ABLIM2: variants seen among roughly 807,000 people sequenced by gnomAD.
The protein encoded by ABLIM2 is actin-binding LIM protein 2.
Under a neutral mutation model 97.7 loss-of-function variants are expected in ABLIM2, and 53 were observed. The ratio of observed to expected loss-of-function variants is 0.54; its 90% confidence interval spans 0.44 to 0.68. The LOEUF is 0.68. Among genes scored for constraint, ABLIM2 ranks in the 30% least tolerant of loss-of-function variants. The pLI is 0.00. For missense variants in ABLIM2, 835 were observed against 867.2 expected (o/e 0.96, Z 0.47); for synonymous variants, 361 against 345.8 (o/e 1.04, Z -0.49).
At chr4:8,041,240 T>A (rs1788249566) in intron 9 of ABLIM2, 1 of 152,296 alleles carries the variant, frequency 6.6e-6, no homozygotes, top group African/African-American at 2.4e-5. Flanking sequence ...CACTTGGGTC[T>A]GCCCCGATCT....
chr4:7,983,507 GGC>G, intron 19 of ABLIM2, 38 bp downstream of exon 19: 1 of 1,612,098 alleles, frequency 6.2e-7, no homozygotes, highest in Non-Finnish European at 8.5e-7. Flanking sequence ...GGGCAGGTGT[GGC>G]GCGGCACGGA....
chr4:7,997,847 C>T (rs1754379775), intron 16 of ABLIM2, among the ~76,000 whole-genome samples: 1 of 151,500 alleles, frequency 6.6e-6, no homozygotes, highest in African/African-American at 2.4e-5. Context: ...CCATCTGATT[C>T]TTCTCAGTGT....
At chr4:8,064,617 G>A (rs142170641) in intron 6 of ABLIM2, among the ~76,000 whole-genome samples, 177 of 152,248 alleles carry the variant, frequency 1.2e-3, no homozygotes, top group African/African-American at 4.0e-3. Flanking sequence ...ACTAACACAC[G>A]CCGCACCCTC....
In ABLIM2 at chr4:8,068,429, C is replaced by T. The variant is rs1002396258; in HGVS notation, c.676-7375G>A. Among the ~76,000 whole-genome samples the T allele has an allele frequency of 3.9e-5, 6 of 152,258 alleles. No homozygotes were observed. The highest frequency in any genetic ancestry group is 3.9e-4 in the East Asian group (2 of 5,174). Reference sequence around the variant, plus strand: ...GGTCAGAGGGCAGCGGTTTAAGGGACGTCCCCACTGTGACGTGCAGAATAG... The same window carrying T: ...GGTCAGAGGGCAGCGGTTTAAGGGATGTCCCCACTGTGACGTGCAGAATAG... On this transcript the variant is annotated intron_variant, in intron 6 of 20. Transcript: ENST00000447017. The surrounding 1 kb of genome is among the most constrained non-coding windows in gnomAD (Gnocchi z 4.5).
Position 8,097,289 on chromosome 4 carries a change from G to A in ABLIM2, c.155-7C>T. The A allele has an allele frequency of 3.2e-6, 5 of 1,554,916 alleles. No individual in the cohort carries two copies. Among genetic ancestry groups the A allele is most frequent in the African/African-American group, 1.4e-5 (1 of 73,314 alleles). ...GCCAGGTCGCAGCCACATGCTGGGG[G>A]AGGACGGGCGAGGTGGCGTTAGCGG... On this transcript the variant is annotated splice_region_variant and splice_polypyrimidine_tract_variant and intron_variant, in intron 2 of 20. Coordinates refer to ENST00000447017, the MANE Select transcript of ABLIM2 (RefSeq NM_001130083.2).
At chr4:8,153,715 G>A (rs1337910377) in intron 1 of ABLIM2, among the ~76,000 whole-genome samples, 1 of 145,894 alleles carries the variant, frequency 6.9e-6, no homozygotes, top group Non-Finnish European at 1.5e-5. Context: ...GCTGGAGGCA[G>A]AGTGTGCTCT....
chr4:8,072,092 T>TCCCCGGC lies in ABLIM2; in HGVS notation c.675+5529_675+5535dup, dbSNP rs1236994407. The TCCCCGGC allele has an allele frequency of 4.1e-6, 4 of 983,728 alleles. No homozygotes were observed. The East Asian group carries it at 4.5e-4, about 112-fold the overall frequency. 60.9% of individuals were successfully genotyped at this position (983,728 alleles called of 1,614,324 possible). A position where few individuals can be genotyped will look rare whatever the true frequency, so the allele number is the denominator to read the frequency against. ...TCAGCCACGCCGCCACAGACTCGCCTCCCCGGCAGAGGCGAAAACAAAAGC... is the reference window on the plus strand; with the variant it reads ...TCAGCCACGCCGCCACAGACTCGCCTCCCCGGCCCCCGGCAGAGGCGAAAACAAAAGC... On this transcript the variant is annotated intron_variant, in intron 6 of 20. Coordinates refer to ENST00000447017, the MANE Select transcript of ABLIM2 (RefSeq NM_001130083.2). This position sits in a 1 kb window ranked among gnomAD's most constrained non-coding sequence, Gnocchi z 5.8.
At position 8,148,444 on chromosome 4, in the gene ABLIM2, G is replaced by A. The variant is rs1852179787; in HGVS notation, c.10+10236C>T. Among the ~76,000 whole-genome samples, 1 of 152,168 alleles carries A rather than the reference G, an allele frequency of 6.6e-6. No individual in the cohort carries two copies. The highest frequency in any genetic ancestry group is 2.4e-5 in the African/African-American group (1 of 41,434). ...GGGGGGCCATGGCGCACCACAGTTA[G>A]GAGTGCGGGTTCTGCAGCTGGCACG... is the stretch of plus-strand genomic sequence containing the variant. On this transcript the variant is annotated intron_variant, in intron 1 of 20. Transcript: ENST00000447017. The surrounding 1 kb of genome is among the most constrained non-coding windows in gnomAD (Gnocchi z 6.7).
Position 8,068,631 on chromosome 4 carries a change from G to A in ABLIM2, c.676-7577C>T, listed in dbSNP as rs75636245. Among the ~76,000 whole-genome samples, 498 of 152,300 alleles carry A rather than the reference G, an allele frequency of 3.3e-3. 7 individuals carry two copies. Among genetic ancestry groups the A allele is most frequent in the African/African-American group, 0.011 (447 of 41,558 alleles). ...CCCTTTCCTCCCTGAATCCAACCAC[G>A]GAATCCGGGTGCAAAGGCCTCCTCT... On this transcript the variant is annotated intron_variant, in intron 6 of 20. Transcript: ENST00000447017. This position sits in a 1 kb window ranked among gnomAD's most constrained non-coding sequence, Gnocchi z 4.5.
intron 20 of ABLIM2, among the ~76,000 whole-genome samples, chr4:7,969,957 C>T (rs777055030): frequency 2.0e-5 from 3 of 152,152 alleles, no homozygotes; most frequent in Non-Finnish European, 4.4e-5. Flanking sequence ...TTTCAGACCG[C>T]GTCTCTTAAG....
chr4:8,054,057 G>A lies in ABLIM2; in HGVS notation c.822+131C>T. On this transcript the variant is annotated intron_variant, in intron 8 of 20. Coordinates refer to ENST00000447017, the MANE Select transcript of ABLIM2 (RefSeq NM_001130083.2). This position sits in a 1 kb window ranked among gnomAD's most constrained non-coding sequence, Gnocchi z 4.9. ...TTACCCTCCCCACCTCCTAAGCCTG[G>A]CTGCCCCCATCCTGCAGCCCGTGGG... 2.0e-6 allele frequency: 2 copies of A among 979,858 alleles called. No homozygotes were observed. Among genetic ancestry groups the A allele is most frequent in the Admixed American group, 3.9e-5 (2 of 50,932 alleles). 60.7% of individuals were successfully genotyped at this position (979,858 alleles called of 1,614,324 possible).
intron 8 of ABLIM2, among the ~76,000 whole-genome samples, chr4:8,049,093 G>A (rs903962900): frequency 2.0e-5 from 3 of 152,110 alleles, no homozygotes; most frequent in Non-Finnish European, 1.5e-5. Context: ...GCCCCTCTCG[G>A]TCACGGCGCC....
intron 2 of ABLIM2, among the ~76,000 whole-genome samples, chr4:8,101,841 G>C (rs926089264): frequency 3.9e-5 from 6 of 152,220 alleles, no homozygotes; most frequent in South Asian, 2.1e-4. Flanking sequence ...TGTTTTTCCA[G>C]GCATTCTGTG....
chr4:8,088,092 C>T, intron 4 of ABLIM2, 77 bp downstream of exon 4: 1 of 243,530 alleles, frequency 4.1e-6, no homozygotes, highest in Non-Finnish European at 6.9e-6. Flanking sequence ...CGCCCCCCAA[C>T]TCAGCATACC....
chr4:8,109,902 A>G (rs868354283), intron 1 of ABLIM2, among the ~76,000 whole-genome samples: 1 of 152,232 alleles, frequency 6.6e-6, no homozygotes, highest in South Asian at 2.1e-4. Flanking sequence ...ACTCTGGTTG[A>G]ATCCACAGCA....
At position 8,067,855 on chromosome 4, in the gene ABLIM2, C is replaced by T. The variant is rs1406334969; in HGVS notation, c.676-6801G>A. ...CGTGTATAAGATGGAGAGGACTGTC[C>T]CTCCCTCTCAGGCTGGGGTAGTATA... is the stretch of plus-strand genomic sequence containing the variant. On this transcript the variant is annotated intron_variant, in intron 6 of 20. Coordinates refer to ENST00000447017, the MANE Select transcript of ABLIM2 (RefSeq NM_001130083.2). This position sits in a 1 kb window ranked among gnomAD's most constrained non-coding sequence, Gnocchi z 5.4. The T allele has an allele frequency of 6.6e-6, 1 of 152,196 alleles. No individual in the cohort carries two copies. Among genetic ancestry groups the T allele is most frequent in the Non-Finnish European group, 1.5e-5 (1 of 68,064 alleles). 9.4% of individuals were successfully genotyped at this position (152,196 alleles called of 1,614,324 possible). A position where few individuals can be genotyped will look rare whatever the true frequency, so the allele number is the denominator to read the frequency against.
rs1256772880 is a variant in ABLIM2 at position 8,085,089 on chromosome 4, G to T, written c.454+3080C>A. Among the ~76,000 whole-genome samples the T allele has an allele frequency of 1.3e-5, 2 of 152,170 alleles. No individual in the cohort carries two copies. The highest frequency in any genetic ancestry group is 4.8e-5 in the African/African-American group (2 of 41,438). ...GCTGCTCCTTCTGGAAGAAGCCTGT[G>T]CGGCCCACCCTAAAGGATTTCTTGT... On this transcript the variant is annotated intron_variant, in intron 4 of 20. Coordinates refer to ENST00000447017, the MANE Select transcript of ABLIM2 (RefSeq NM_001130083.2). This position sits in a 1 kb window ranked among gnomAD's most constrained non-coding sequence, Gnocchi z 6.1.
chr4:8,070,284 G>C (rs979051865), intron 6 of ABLIM2, among the ~76,000 whole-genome samples: 3 of 151,424 alleles, frequency 2.0e-5, no homozygotes, highest in African/African-American at 7.3e-5. Flanking sequence ...GCATGTGTGT[G>C]TATATCTCGT....
In ABLIM2 at chr4:7,999,745, A is replaced by G. The variant is rs1186335724; in HGVS notation, c.1619-6818T>C. Among the ~76,000 whole-genome samples the G allele has an allele frequency of 4.6e-5, 7 of 152,296 alleles. No homozygotes were observed. Among genetic ancestry groups the G allele is most frequent in the African/African-American group, 1.7e-4 (7 of 41,570 alleles). On this transcript the variant is annotated intron_variant, in intron 16 of 20. Coordinates refer to ENST00000447017, the MANE Select transcript of ABLIM2 (RefSeq NM_001130083.2). This position sits in a 1 kb window ranked among gnomAD's most constrained non-coding sequence, Gnocchi z 4.4. Reference sequence around the variant, plus strand: ...ACTGGGTAGTCCTGATGCCAGTTACATGAGGCTCTGCAGGCACCAGAGGCC... The same window carrying G: ...ACTGGGTAGTCCTGATGCCAGTTACGTGAGGCTCTGCAGGCACCAGAGGCC...
Sources: gnomAD v4.1 joint callset for allele counts (sites outside exome capture counted in the v4.1 genomes callset) on GRCh38, gnomAD v4.1.1 for gene constraint, Gnocchi (gnomAD v3.1) non-coding constraint, MANE v1.5 for transcripts, NCBI Gene and HGNC (gene_info 2026-07-23, HGNC 2026-07-21) for gene names.